Variants in LRRC69 observed in about 807,000 individuals in gnomAD.
The protein encoded by LRRC69 is leucine rich repeat containing 69.
Under a neutral mutation model 37.8 loss-of-function variants are expected in LRRC69, and 42 were observed. The ratio of observed to expected loss-of-function variants is 1.11; its 90% CI spans 0.87 to 1.44. The LOEUF (loss-of-function observed/expected upper bound fraction) is 1.44. LRRC69 is among the 40% of genes most tolerant of loss of function. The probability of loss-of-function intolerance (pLI) is 0.00; values close to 1 mark genes in which losing one functional copy is unlikely to be tolerated. For synonymous variants in LRRC69, 141 were observed against 143.1 expected, an observed-to-expected ratio of 0.99 and a Z score of 0.11; for missense variants, 357 against 401.9, an observed-to-expected ratio of 0.89 and a Z score of 0.96.
chr8:91,153,124 A>G (rs1808770728), intron 5 of LRRC69, among the ~76,000 whole-genome samples: 1 of 151,420 alleles, frequency 6.6e-6, no homozygotes, highest in African/African-American at 2.4e-5. Context: ...CAAAAAAGAA[A>G]AGGGCAGTAT....
intron 6 of LRRC69, among the ~76,000 whole-genome samples, chr8:91,197,921 C>T (rs1180791592): frequency 1.3e-5 from 2 of 152,112 alleles, no homozygotes; most frequent in African/African-American, 2.4e-5. Context: ...CTATCTATGC[C>T]TGTAATATGT....
intron 1 of LRRC69, among the ~76,000 whole-genome samples, chr8:91,109,322 T>A (rs1193377810): frequency 2.0e-5 from 3 of 152,072 alleles, no homozygotes; most frequent in African/African-American, 4.8e-5. Flanking sequence ...TGATATACTC[T>A]ATCTGTAGAC....
chr8:91,205,900 A>G (rs1049228393), intron 7 of LRRC69, among the ~76,000 whole-genome samples: 1 of 152,166 alleles, frequency 6.6e-6, no homozygotes, highest in African/African-American at 2.4e-5. Context: ...CAGTTTTTCA[A>G]TACCTTGATG....
At chr8:91,144,465 G>GT (rs2130534197) in intron 5 of LRRC69, among the ~76,000 whole-genome samples, 1 of 151,940 alleles carries the variant, frequency 6.6e-6, no homozygotes, top group South Asian at 2.1e-4. Context: ...CTTGCCTTTG[G>GT]TTTTCTGTTT....
intron 5 of LRRC69, among the ~76,000 whole-genome samples, chr8:91,181,771 G>A (rs1563616509): frequency 6.6e-6 from 1 of 152,152 alleles, no homozygotes. Flanking sequence ...AATGGAATTA[G>A]GCATATGATT....
chr8:91,156,923 C>A (rs1019772676), intron 5 of LRRC69, among the ~76,000 whole-genome samples: 1 of 151,234 alleles, frequency 6.6e-6, no homozygotes, highest in South Asian at 2.1e-4. Context: ...AATCAGTTGA[C>A]TGTAAATATA....
chr8:91,152,535 G>A (rs1001552546), intron 5 of LRRC69, among the ~76,000 whole-genome samples: 1 of 151,592 alleles, frequency 6.6e-6, no homozygotes, highest in East Asian at 1.9e-4. Context: ...CTGTAGCCTT[G>A]TAGTATAGTT....
rs1248411429 is a variant in LRRC69, at chr8:91,103,299, G to GT, written c.183+455_183+456insT. Among the ~76,000 whole-genome samples, 321 of 151,634 alleles carry GT rather than the reference G, an allele frequency of 2.1e-3. 10 individuals are homozygous for GT. The highest frequency in any genetic ancestry group is 4.6e-3 in the Admixed American group (70 of 15,142). On this transcript the variant is annotated intron_variant, in intron 1 of 7. Transcript: ENST00000448384. ...AAGGGAGTTCCTTTTCAATTTCCTA[G>GT]GGCAGGCTGAAACTTTGAAATGGAG... is the stretch of plus-strand genomic sequence containing the variant.
At chr8:91,124,773 C>A in intron 2 of LRRC69, 154 bp downstream of exon 2, 1 of 600,604 alleles carries the variant, frequency 1.7e-6, no homozygotes, top group Non-Finnish European at 2.7e-6. Flanking sequence ...GGAGACAACA[C>A]TTTTAAAAAA....
chr8:91,118,016 G>A (rs973069500), intron 1 of LRRC69, among the ~76,000 whole-genome samples: 1 of 151,760 alleles, frequency 6.6e-6, no homozygotes, highest in African/African-American at 2.4e-5. Context: ...GAGAGAGAAG[G>A]AGTGCAAATA....
intron 4 of LRRC69, among the ~76,000 whole-genome samples, chr8:91,133,723 A>G (rs557531114): frequency 2.6e-5 from 4 of 152,034 alleles, no homozygotes; most frequent in East Asian, 1.9e-4. Context: ...CAACCTCCAC[A>G]TCCCGGGTTC....
At chr8:91,106,670 C>T (rs1017978675) in intron 1 of LRRC69, among the ~76,000 whole-genome samples, 4 of 151,974 alleles carry the variant, frequency 2.6e-5, no homozygotes, top group African/African-American at 4.8e-5. Flanking sequence ...TATTATTATT[C>T]TATATATTTA....
chr8:91,117,343 T>A (rs990459800), intron 1 of LRRC69, among the ~76,000 whole-genome samples: 1 of 151,960 alleles, frequency 6.6e-6, no homozygotes, highest in African/African-American at 2.4e-5. Context: ...AAAAGGTACA[T>A]CTAAAAGGAT....
intron 7 of LRRC69, among the ~76,000 whole-genome samples, chr8:91,217,178 T>A (rs1810065811): frequency 6.6e-6 from 1 of 152,152 alleles, no homozygotes; most frequent in African/African-American, 2.4e-5. Context: ...GTTTGCTGTA[T>A]ATCTTTGTAG....
chr8:91,188,206 T>C (rs952213829), intron 5 of LRRC69, among the ~76,000 whole-genome samples: 1 of 152,222 alleles, frequency 6.6e-6, no homozygotes, highest in African/African-American at 2.4e-5. Flanking sequence ...TTGTATTTTA[T>C]TTAAACATCT....
intron 6 of LRRC69, among the ~76,000 whole-genome samples, chr8:91,194,712 AT>A (rs1369086074): frequency 6.6e-6 from 1 of 151,838 alleles, no homozygotes; most frequent in Non-Finnish European, 1.5e-5. Context: ...ATCATTTTTT[AT>A]TGCGTCTATT....
At chr8:91,212,625 G>T in intron 7 of LRRC69, among the ~76,000 whole-genome samples, 1 of 152,140 alleles carries the variant, frequency 6.6e-6, no homozygotes, top group South Asian at 2.1e-4. Flanking sequence ...TTACTTTGTA[G>T]TAAAAAGTTA....
intron 1 of LRRC69, among the ~76,000 whole-genome samples, chr8:91,116,731 G>A (rs1314503341): frequency 6.6e-6 from 1 of 151,968 alleles, no homozygotes; most frequent in Non-Finnish European, 1.5e-5. Context: ...TGTAAGATCA[G>A]GGTTATTGCG....
Position 91,158,833 on chromosome 8 carries a change from T to C in LRRC69, c.651+23094T>C, listed in dbSNP as rs1257453663. The C allele has an allele frequency of 4.7e-5, 32 of 685,998 alleles. No individual in the cohort carries two copies. The Middle Eastern group carries it at 2.4e-3, about 51-fold the overall frequency. The allele number at this position is 685,998 out of a possible 1,614,324, so 42.5% of individuals were successfully genotyped here. On this transcript the variant is annotated intron_variant, in intron 5 of 7. Transcript: ENST00000448384. Reference sequence around the variant, plus strand: ...ATGTATGTGAAAGTGTAAAATAGAATGTTACTTTGGAATGACTATAAACAT... The same window carrying C: ...ATGTATGTGAAAGTGTAAAATAGAACGTTACTTTGGAATGACTATAAACAT...
Sources: allele counts gnomAD v4.1 joint callset (sites outside exome capture counted in the v4.1 genomes callset), GRCh38; gene constraint gnomAD v4.1.1; transcripts MANE v1.5; gene names NCBI Gene and HGNC (gene_info 2026-07-23, HGNC 2026-07-21).